ABCA13: variants seen among roughly 807,000 people sequenced by gnomAD.
ABCA13 encodes the protein ATP binding cassette subfamily A member 13.
Under a neutral mutation model 478.7 loss-of-function variants are expected in ABCA13, and 476 were observed. The observed-to-expected ratio is 0.99, with a 90% CI of 0.92 to 1.07. The LOEUF (loss-of-function observed/expected upper bound fraction) is 1.07, where lower values mean the gene tolerates loss of function less well. ABCA13 is among the 50% of genes least tolerant of loss of function. The pLI is 0.00. For missense variants in ABCA13, 6,060 were observed against 5,910.6 expected (o/e 1.03, Z -0.83); for synonymous variants, 2,252 against 2,158.9 (o/e 1.04, Z -1.20).
intron 8 of ABCA13, 56 bp downstream of exon 8, chr7:48,234,207 A>G (rs1245535870): frequency 1.9e-6 from 3 of 1,612,222 alleles, no homozygotes; most frequent in Non-Finnish European, 1.7e-6. Flanking sequence ...GACTGGATCT[A>G]GAGCATGCTG....
intron 58 of ABCA13, among the ~76,000 whole-genome samples, chr7:48,607,016 C>T (rs1300499470): frequency 6.6e-6 from 1 of 152,158 alleles, no homozygotes; most frequent in African/African-American, 2.4e-5. Context: ...AGGGTGAAAC[C>T]GCGTACTGAA....
intron 18 of ABCA13, 90 bp from the exon 19 acceptor site, chr7:48,281,253 T>A: frequency 9.8e-7 from 1 of 1,017,388 alleles, no homozygotes; most frequent in Non-Finnish European, 1.5e-6. Flanking sequence ...GGTTCTTACA[T>A]GTGTGTTATA....
intron 1 of ABCA13, among the ~76,000 whole-genome samples, chr7:48,183,331 G>A (rs894990085): frequency 2.0e-5 from 3 of 152,214 alleles, no homozygotes; most frequent in African/African-American, 7.2e-5. Context: ...GTTTGTTCAA[G>A]ACAGATGGAA....
chr7:48,433,477 A>T (rs1161994860), intron 42 of ABCA13, among the ~76,000 whole-genome samples: 2 of 149,124 alleles, frequency 1.3e-5, no homozygotes, highest in East Asian at 3.9e-4. Context: ...TTATATACAT[A>T]TATATTTATG....
chr7:48,525,472 A>G (rs767831056), intron 54 of ABCA13, among the ~76,000 whole-genome samples: 4 of 152,122 alleles, frequency 2.6e-5, no homozygotes, highest in Non-Finnish European at 5.9e-5. Context: ...ATATGAATTT[A>G]TTTGATTATA....
At chr7:48,362,684 CTTATAA>C (rs1811070855) in intron 31 of ABCA13, among the ~76,000 whole-genome samples, 1 of 151,056 alleles carries the variant, frequency 6.6e-6, no homozygotes, top group South Asian at 2.1e-4. Flanking sequence ...TAGTGGTTAC[CTTATAA>C]TTATAACATT....
intron 19 of ABCA13, among the ~76,000 whole-genome samples, chr7:48,285,465 T>TGGTGCCTTTGAGGGC (rs1368096648): frequency 2.6e-5 from 4 of 152,156 alleles, no homozygotes; most frequent in Admixed American, 6.5e-5. Flanking sequence ...TCCTTGAGGG[T>TGGTGCCTTTGAGGGC]GGTGCCTTTG....
chr7:48,625,382 T>C (rs1489777504), intron 59 of ABCA13, among the ~76,000 whole-genome samples: 1 of 152,236 alleles, frequency 6.6e-6, no homozygotes, highest in East Asian at 1.9e-4. Context: ...ACAAAAATAA[T>C]TTCTGCCATG....
chr7:48,235,930 A>G lies in ABCA13; in HGVS notation c.897+1779A>G, dbSNP rs545750799. ...AGCTTTGTGTTAGATTATTTTTCCAATTGTAGGCTAATGTATGTGTTCTGA... is the reference window on the plus strand; with the variant it reads ...AGCTTTGTGTTAGATTATTTTTCCAGTTGTAGGCTAATGTATGTGTTCTGA... On this transcript the variant is annotated intron_variant, in intron 8 of 61. Transcript: ENST00000435803. Among the ~76,000 whole-genome samples, 15 of 152,246 alleles carry G rather than the reference A, an allele frequency of 9.9e-5. No individual in the cohort carries two copies. The South Asian group carries it at 2.7e-3, about 27-fold the overall frequency.
intron 38 of ABCA13, among the ~76,000 whole-genome samples, chr7:48,399,732 A>C (rs1817332053): frequency 6.6e-6 from 1 of 152,192 alleles, no homozygotes; most frequent in Admixed American, 6.5e-5. Flanking sequence ...AGATGACAAC[A>C]GCAATGACAA....
At chr7:48,627,765 G>T (rs1793795417) in intron 59 of ABCA13, among the ~76,000 whole-genome samples, 1 of 152,150 alleles carries the variant, frequency 6.6e-6, no homozygotes, top group African/African-American at 2.4e-5. Context: ...GCTGCCTCTG[G>T]TCGGCTTCTG....
At chr7:48,191,387 C>T (rs1797084434) in intron 1 of ABCA13, among the ~76,000 whole-genome samples, 1 of 152,186 alleles carries the variant, frequency 6.6e-6, no homozygotes, top group African/African-American at 2.4e-5. Context: ...TGGAATATTT[C>T]AAAGACGGTG....
chr7:48,317,953 G>A (rs148408223), intron 27 of ABCA13, among the ~76,000 whole-genome samples: 1,600 of 152,168 alleles, frequency 0.011, 29 homozygotes, highest in Non-Finnish European at 9.6e-3. Flanking sequence ...TTTTCCTGGA[G>A]TCTTTTCTTG....
chr7:48,288,001 A>G lies in ABCA13; in HGVS notation c.8878A>G (p.Ser2960Gly). ...WTKDILCATL[S>G]CKQNGIRHLI... ...CAAGGACATTTTGTGTGCTACTCTG[A>G]GTTGCAAGCAAAATGGGATAAGGCA... Residue 2960 changes from serine (S) to glycine (G), a missense_variant, in exon 20 of 62, where the codon AGT becomes GGT. Ser to Gly is a moderately conservative substitution (Grantham distance 56, BLOSUM62 0). Transcript: ENST00000435803. The G allele has an allele frequency of 4.3e-6, 7 of 1,613,974 alleles. No homozygotes were observed. The highest frequency in any genetic ancestry group is 1.1e-5 in the South Asian group (1 of 91,074).
intron 43 of ABCA13, among the ~76,000 whole-genome samples, chr7:48,463,426 AT>A (rs1323018956): frequency 1.3e-5 from 2 of 152,056 alleles, no homozygotes; most frequent in Non-Finnish European, 2.9e-5. Flanking sequence ...AGCTCCTTTA[AT>A]TAAGCTTTTT....
At chr7:48,426,829 G>A (rs1029825718) in intron 41 of ABCA13, among the ~76,000 whole-genome samples, 1 of 152,076 alleles carries the variant, frequency 6.6e-6, no homozygotes, top group Non-Finnish European at 1.5e-5. Context: ...TCTGTGCCTG[G>A]CACTTTACAG....
intron 42 of ABCA13, among the ~76,000 whole-genome samples, chr7:48,438,572 CTT>C (rs35140370): frequency 0.3 from 44,801 of 147,288 alleles, 6,728 homozygotes; most frequent in East Asian, 0.38. Context: ...CATACTCAGC[CTT>C]TTTTTTTTTC....
chr7:48,343,630 G>C (rs910653593), intron 29 of ABCA13, among the ~76,000 whole-genome samples: 9 of 151,874 alleles, frequency 5.9e-5, no homozygotes. Flanking sequence ...GGGAGCAGGT[G>C]GTGGTTGGTT....
chr7:48,419,519 CT>C (rs1585241395), intron 41 of ABCA13, among the ~76,000 whole-genome samples: 1 of 151,662 alleles, frequency 6.6e-6, no homozygotes. Context: ...TCCCCACCAC[CT>C]TCTGAAAAGA....
Sources: gnomAD v4.1 joint callset for allele counts (sites outside exome capture counted in the v4.1 genomes callset) on GRCh38, gnomAD v4.1.1 for gene constraint, MANE v1.5 for transcripts, NCBI Gene and HGNC (gene_info 2026-07-23, HGNC 2026-07-21) for gene names.